DLGAP1: variants seen among roughly 807,000 people sequenced by gnomAD.
DLGAP1 encodes the protein disks large-associated protein 1.
In DLGAP1, 11 loss-of-function variants were observed where a neutral mutation model predicts 90.8. The ratio of observed to expected loss-of-function variants is 0.12; its 90% confidence interval spans 0.08 to 0.20. The LOEUF (loss-of-function observed/expected upper bound fraction) is 0.20. DLGAP1 is among the 10% of genes least tolerant of loss of function. The pLI is 1.00. For missense variants in DLGAP1, 1,050 were observed against 1,333.8 expected, an observed-to-expected ratio of 0.79 and a Z score of 3.31; for synonymous variants, 558 against 540.7, an observed-to-expected ratio of 1.03 and a Z score of -0.44.
intron 2 of DLGAP1, among the ~76,000 whole-genome samples, chr18:4,098,182 GGGATTA>G (rs1277426658): frequency 1.3e-5 from 2 of 152,166 alleles, no homozygotes; most frequent in African/African-American, 4.8e-5. Context: ...CCAAACTGCT[GGGATTA>G]CAGGCAGGAG....
chr18:3,732,670 C>A (rs2062484436), intron 6 of DLGAP1, among the ~76,000 whole-genome samples: 1 of 151,640 alleles, frequency 6.6e-6, no homozygotes, highest in South Asian at 2.1e-4. Flanking sequence ...TCAGTGGGAG[C>A]CTTTTAGGTT....
intron 10 of DLGAP1, among the ~76,000 whole-genome samples, chr18:3,514,900 T>A (rs979209599): frequency 9.9e-5 from 15 of 151,638 alleles, no homozygotes; most frequent in African/African-American, 3.6e-4. Flanking sequence ...TTAAAATAAA[T>A]TTTTTTTTCA....
intron 5 of DLGAP1, among the ~76,000 whole-genome samples, chr18:3,766,277 A>C (rs537990981): frequency 6.6e-6 from 1 of 152,190 alleles, no homozygotes; most frequent in Non-Finnish European, 1.5e-5. Flanking sequence ...ATTCATCAGG[A>C]AGACATAGCA....
chr18:4,153,521 T>G (rs1303284015), intron 1 of DLGAP1, among the ~76,000 whole-genome samples: 1 of 152,222 alleles, frequency 6.6e-6, no homozygotes, highest in Non-Finnish European at 1.5e-5. Flanking sequence ...TTTTAACTTT[T>G]TTCTTCCTGT....
At chr18:4,080,405 T>G (rs1168659229) in intron 2 of DLGAP1, among the ~76,000 whole-genome samples, 1 of 152,092 alleles carries the variant, frequency 6.6e-6, no homozygotes, top group Non-Finnish European at 1.5e-5. Flanking sequence ...TTGGAGAAAA[T>G]AAAAATATTT....
At chr18:3,607,660 T>C (rs1425066787) in intron 7 of DLGAP1, 3 of 152,212 alleles carry the variant, frequency 2.0e-5, no homozygotes, top group Admixed American at 6.5e-5. Context: ...ATTTCTTATC[T>C]GGCTGCTTAT....
intron 4 of DLGAP1, among the ~76,000 whole-genome samples, chr18:3,842,290 A>T (rs1339694160): frequency 6.6e-6 from 1 of 152,162 alleles, no homozygotes; most frequent in Admixed American, 6.5e-5. Context: ...ATTGTGAAGG[A>T]AAAAGGTCCC....
intron 7 of DLGAP1, among the ~76,000 whole-genome samples, chr18:3,627,829 TTC>T (rs891075843): frequency 6.6e-6 from 1 of 151,792 alleles, no homozygotes; most frequent in Non-Finnish European, 1.5e-5. Flanking sequence ...CCGCTATTTT[TTC>T]TTTCTTTCTT....
intron 1 of DLGAP1, among the ~76,000 whole-genome samples, chr18:4,307,638 G>T (rs1309585079): frequency 6.6e-6 from 1 of 152,024 alleles, no homozygotes; most frequent in East Asian, 1.9e-4. Context: ...AGAGCCAGGC[G>T]GCAGGGCCTG....
At chr18:4,170,852 CTTTA>C (rs780364590) in intron 1 of DLGAP1, among the ~76,000 whole-genome samples, 25 of 151,520 alleles carry the variant, frequency 1.6e-4, no homozygotes, top group Admixed American at 1.4e-3. Flanking sequence ...TAGATTTTAC[CTTTA>C]TTTGTTTGTT....
chr18:3,718,685 GGGGGTC>G (rs2061848109), intron 7 of DLGAP1, among the ~76,000 whole-genome samples: 1 of 150,650 alleles, frequency 6.6e-6, no homozygotes, highest in Non-Finnish European at 1.5e-5. Flanking sequence ...CAGCACTTTG[GGGGGTC>G]GAGGCGGGTG....
At chr18:3,859,971 C>T (rs2069926120) in intron 4 of DLGAP1, among the ~76,000 whole-genome samples, 1 of 151,956 alleles carries the variant, frequency 6.6e-6, no homozygotes, top group African/African-American at 2.4e-5. Flanking sequence ...TGGTGGTGGG[C>T]ATCTGTAGTC....
intron 1 of DLGAP1, among the ~76,000 whole-genome samples, chr18:4,182,604 T>G (rs1042854784): frequency 1.3e-5 from 2 of 152,180 alleles, no homozygotes; most frequent in African/African-American, 4.8e-5. Flanking sequence ...TCCCTAGGTA[T>G]CTTCCATGCG....
rs575220155 is a variant in DLGAP1, at chr18:3,593,440, G to T, written c.1592-11192C>A. 7.0e-4 allele frequency among the ~76,000 whole-genome samples: 107 copies of T among 152,274 alleles called. No homozygotes were observed. In the South Asian group the frequency reaches 0.011, roughly 15 times the overall value. On this transcript the variant is annotated intron_variant, in intron 7 of 12. Coordinates refer to ENST00000315677, the MANE Select transcript of DLGAP1 (RefSeq NM_004746.4). Reference sequence around the variant, plus strand: ...GAAGGCAGAGATCAGAGGCTGTTGGGGTGGGTCATACACCATGATTCCCGG... The same window carrying T: ...GAAGGCAGAGATCAGAGGCTGTTGGTGTGGGTCATACACCATGATTCCCGG...
chr18:3,842,645 G>A (rs763974415), intron 4 of DLGAP1, among the ~76,000 whole-genome samples: 1 of 151,658 alleles, frequency 6.6e-6, no homozygotes, highest in African/African-American at 2.4e-5. Flanking sequence ...CCTTAGAGGA[G>A]AGACACGAGG....
At chr18:3,606,027 G>A (rs150758028) in intron 7 of DLGAP1, among the ~76,000 whole-genome samples, 2 of 152,148 alleles carry the variant, frequency 1.3e-5, no homozygotes, top group African/African-American at 2.4e-5. Context: ...AAAAAAAAAG[G>A]TCTCGCTGTG....
chr18:4,193,053 T>C (rs754939962), intron 1 of DLGAP1, among the ~76,000 whole-genome samples: 6 of 152,256 alleles, frequency 3.9e-5, no homozygotes, highest in African/African-American at 7.2e-5. Context: ...CTAATGTTTG[T>C]CATTTGCGCA....
intron 3 of DLGAP1, among the ~76,000 whole-genome samples, chr18:3,916,551 G>A (rs2072149057): frequency 1.3e-5 from 2 of 152,180 alleles, no homozygotes; most frequent in African/African-American, 4.8e-5. Flanking sequence ...TTGGTATGGA[G>A]CTTGAACATT....
intron 2 of DLGAP1, among the ~76,000 whole-genome samples, chr18:4,093,435 G>A (rs1337174507): frequency 6.6e-6 from 1 of 152,152 alleles, no homozygotes; most frequent in East Asian, 1.9e-4. Context: ...ATGAGAATAT[G>A]GGAAGCCTAC....
Sources: gnomAD v4.1 joint callset for allele counts (sites outside exome capture counted in the v4.1 genomes callset) on GRCh38, gnomAD v4.1.1 for gene constraint, MANE v1.5 for transcripts, NCBI Gene and HGNC (gene_info 2026-07-23, HGNC 2026-07-21) for gene names.